Variants in GCNA observed in about 807,000 individuals in gnomAD.
GCNA encodes the protein germ cell nuclear acidic peptidase.
A neutral mutation model predicts 38.8 loss-of-function variants in GCNA; 3 were observed. That is an observed-to-expected ratio of 0.08 (90% CI 0.04 to 0.20). The LOEUF is 0.20. GCNA is among the 10% of genes least tolerant of loss of function. The probability of loss-of-function intolerance (pLI) is 1.00; values close to 1 mark genes in which losing one functional copy is unlikely to be tolerated. For missense variants in GCNA, 446 were observed against 578.6 expected (o/e 0.77, Z 2.35); for synonymous variants, 195 against 240.2 (o/e 0.81, Z 1.74).
rs371046758 is a variant in GCNA at position 71,589,450 on chromosome X, C to CTTTTT, written c.60-2643_60-2639dup. 1.1e-3 allele frequency among the ~76,000 whole-genome samples: 42 copies of CTTTTT among 37,698 alleles called. 5 individuals are homozygous for CTTTTT. The highest frequency in any genetic ancestry group is 1.5e-3 in the Non-Finnish European group (32 of 21,423). 32.7% of individuals were successfully genotyped at this position (37,698 alleles called of 115,157 possible). ...AGCGTACCTGGCCTGCATATATTTC[C>CTTTTT]TTTTTTTTTTTTTTTTTTTTTTTTT... On this transcript the variant is annotated intron_variant, in intron 2 of 12. Transcript: ENST00000373696.
At chrX:71,586,139 GTTT>G (rs369229738) in intron 2 of GCNA, among the ~76,000 whole-genome samples, 1 of 89,725 alleles carries the variant, frequency 1.1e-5, no homozygotes. Flanking sequence ...TGAAATAAAT[GTTT>G]TTTTTTTTTT....
rs1282935424 is a variant in GCNA, at chrX:71,604,066, A to G, written c.789A>G (p.Glu263=). The G allele has an allele frequency of 1.9e-6, 2 of 1,049,097 alleles. No individual in the cohort carries two copies. Among genetic ancestry groups the G allele is most frequent in the African/African-American group, 2.2e-5 (1 of 46,379 alleles). The allele number at this position is 1,049,097 out of a possible 1,213,427, so 86.5% of individuals were successfully genotyped here. A position where few individuals can be genotyped will look rare whatever the true frequency, so the allele number is the denominator to read the frequency against. The part of the protein sequence containing the change: ...EAPDDSSDDS[E]APDDSSDDSE... Reference sequence around the variant, plus strand: ...CCGACGACAGCAGTGATGATTCGGAAGCTCCCGACGACAGCAGTGATGATT... The same window carrying G: ...CCGACGACAGCAGTGATGATTCGGAGGCTCCCGACGACAGCAGTGATGATT... Residue 263 remains glutamate, a synonymous_variant, in exon 8 of 13, where the codon GAA becomes GAG. Transcript: ENST00000373696.
intron 7 of GCNA, among the ~76,000 whole-genome samples, chrX:71,599,022 GT>G (rs1249801404): frequency 1.1e-3 from 104 of 96,994 alleles, no homozygotes; most frequent in East Asian, 1.3e-3. Context: ...TTTTGTTGTT[GT>G]TTTTTTTTTT....
chrX:71,586,466 GGAAA>G (rs1196978173), intron 2 of GCNA, among the ~76,000 whole-genome samples: 1 of 111,063 alleles, frequency 9.0e-6, no homozygotes, highest in African/African-American at 3.3e-5. Context: ...GGGAGGTGAG[GGAAA>G]GAAAGAAATC....
At chrX:71,610,983 A>G (rs1377295254) in intron 11 of GCNA, among the ~76,000 whole-genome samples, 164 bp downstream of exon 11, 1 of 112,707 alleles carries the variant, frequency 8.9e-6, no homozygotes, top group Non-Finnish European at 1.9e-5. Flanking sequence ...TGGATGTCTC[A>G]CCATCCCTGT....
chrX:71,613,152 GT>G lies in GCNA; in HGVS notation c.*174del. 1 of 646,251 alleles carries G rather than the reference GT, an allele frequency of 1.5e-6. No homozygotes were observed. Among genetic ancestry groups the G allele is most frequent in the Non-Finnish European group, 2.2e-6 (1 of 451,863 alleles). 53.3% of individuals were successfully genotyped at this position (646,251 alleles called of 1,213,427 possible). On this transcript the variant is annotated 3_prime_UTR_variant, in exon 13 of 13. Transcript: ENST00000373696. ...GAGCTATATCCTTTACTGGTAAGAA[GT>G]TTTAGAAAAGTTTGTTTTGTGAAGT...
At chrX:71,607,206 C>G (rs940558715) in intron 9 of GCNA, among the ~76,000 whole-genome samples, 1 of 112,175 alleles carries the variant, frequency 8.9e-6, no homozygotes, top group African/African-American at 3.2e-5. Flanking sequence ...AGGTTTGCAT[C>G]TGCCACCTTA....
intron 6 of GCNA, among the ~76,000 whole-genome samples, chrX:71,596,833 A>G (rs1423595855): frequency 9.0e-6 from 1 of 111,716 alleles, no homozygotes; most frequent in Non-Finnish European, 1.9e-5. Context: ...ATTAGTCAGG[A>G]TGGTTGCCTG....
chrX:71,585,395 G>T (rs2040578323), intron 2 of GCNA, among the ~76,000 whole-genome samples: 1 of 111,280 alleles, frequency 9.0e-6, no homozygotes, highest in African/African-American at 3.3e-5. Context: ...AATAGGGAGT[G>T]CCCAGGGTGG....
intron 1 of GCNA, among the ~76,000 whole-genome samples, chrX:71,578,865 G>A (rs1473502937): frequency 9.2e-6 from 1 of 108,553 alleles, no homozygotes; most frequent in African/African-American, 3.4e-5. Context: ...CAGATAGTGG[G>A]GGGCCTGGTG....
chrX:71,587,126 A>C (rs1180216586), intron 2 of GCNA, among the ~76,000 whole-genome samples: 2 of 111,212 alleles, frequency 1.8e-5, no homozygotes, highest in Non-Finnish European at 3.8e-5. Flanking sequence ...GGTCCAAAGT[A>C]CAAGGGAGGG....
chrX:71,613,314 C>T lies in GCNA; in HGVS notation c.*332C>T, dbSNP rs1345951893. 1 of 172,087 alleles carries T rather than the reference C, an allele frequency of 5.8e-6. No homozygotes were observed. Among genetic ancestry groups the T allele is most frequent in the East Asian group, 1.3e-4 (1 of 7,961 alleles). 14.2% of individuals were successfully genotyped at this position (172,087 alleles called of 1,213,427 possible). On this transcript the variant is annotated 3_prime_UTR_variant, in exon 13 of 13. Transcript: ENST00000373696. ...CCCTTGACAGGGTATTTCTGAAGCC[C>T]TTGGGATCTACCTTGGGTCTTACTT...
intron 10 of GCNA, among the ~76,000 whole-genome samples, chrX:71,609,993 A>G (rs981872217): frequency 5.4e-5 from 6 of 111,346 alleles, no homozygotes; most frequent in African/African-American, 2.0e-4. Flanking sequence ...ATGGGTGGAA[A>G]CTGAAGTGTT....
Position 71,609,056 on chromosome X carries a change from A to G in GCNA, c.1550A>G (p.Asn517Ser), listed in dbSNP as rs1428677430. 1 of 1,211,229 alleles carries G rather than the reference A, an allele frequency of 8.3e-7. No homozygotes were observed. Among genetic ancestry groups the G allele is most frequent in the Non-Finnish European group, 1.1e-6 (1 of 895,222 alleles). The change falls in exon 10 of 13, where the codon AAT (asparagine) becomes AGT (serine). Residue 517 changes from asparagine (N) to serine (S), a missense_variant. Transcript: ENST00000373696. ...TACTCTGGAAAAAATTTAAAGCGAA[A>G]TAAGGATGAATTGGTTCAGAGAATC... ...KKYSGKNLKR[N>S]KDELVQRIYD...
At chrX:71,580,139 G>A (rs1325585247) in intron 1 of GCNA, 3 of 104,633 alleles carry the variant, frequency 2.9e-5, no homozygotes, top group Admixed American at 1.0e-4. Context: ...AGACTTCCTT[G>A]GGGCAGGAGT....
At position 71,604,313 on chromosome X, in the gene GCNA, C is replaced by G. The variant is rs753774691; in HGVS notation, c.1036C>G (p.Gln346Glu). ...AGCAGAAGATTTGTGTAATGAAGGCCAAATTGCTTCAGATGAAGAAGAGCT... is the reference window on the plus strand; with the variant it reads ...AGCAGAAGATTTGTGTAATGAAGGCGAAATTGCTTCAGATGAAGAAGAGCT... ...VPAEDLCNEG[Q>E]IASDEEELVE... Residue 346 changes from glutamine (Q) to glutamate (E), a missense_variant, in exon 8 of 13, where the codon CAA becomes GAA. By Grantham distance (29) the Gln-to-Glu change is conservative. Transcript: ENST00000373696. 18 of 1,211,914 alleles carry G rather than the reference C, an allele frequency of 1.5e-5. No homozygotes were observed. In the South Asian group the frequency reaches 3.0e-4, roughly 20 times the overall value.
At chrX:71,578,717 G>A (rs2147703601) in intron 1 of GCNA, among the ~76,000 whole-genome samples, 195 bp downstream of exon 1, 1 of 111,509 alleles carries the variant, frequency 9.0e-6, no homozygotes, top group Admixed American at 9.5e-5. Context: ...GGGGAGGTGG[G>A]GGCGCCCATG....
At chrX:71,580,492 T>A (rs1008460057) in intron 1 of GCNA, 1 of 149,703 alleles carries the variant, frequency 6.7e-6, no homozygotes, top group African/African-American at 3.1e-5. Flanking sequence ...TTTTCTTTTT[T>A]GAGATGGAGT....
intron 6 of GCNA, among the ~76,000 whole-genome samples, chrX:71,596,289 A>G (rs1200573358): frequency 4.5e-5 from 5 of 112,213 alleles, no homozygotes; most frequent in Non-Finnish European, 1.9e-5. Context: ...AAAGCTATTA[A>G]TCGTTGATGA....
Sources: gnomAD v4.1 joint callset for allele counts (sites outside exome capture counted in the v4.1 genomes callset) on GRCh38, gnomAD v4.1.1 for gene constraint, MANE v1.5 for transcripts, NCBI Gene and HGNC (gene_info 2026-07-23, HGNC 2026-07-21) for gene names.